Variants in ATG16L1 observed in about 807,000 individuals in gnomAD.
ATG16L1 encodes autophagy-related protein 16-1.
A neutral mutation model predicts 88.5 loss-of-function variants in ATG16L1; 37 were observed. The observed-to-expected ratio is 0.42, with a 90% CI of 0.32 to 0.55. ATG16L1 has a LOEUF of 0.55. Ranked by LOEUF, ATG16L1 falls within the 20% of genes least tolerant of loss-of-function variation. The probability of loss-of-function intolerance (pLI) is 0.13; values close to 1 mark genes in which losing one functional copy is unlikely to be tolerated. For missense variants in ATG16L1, 554 were observed against 752.8 expected, an observed-to-expected ratio of 0.74 and a Z score of 3.09; for synonymous variants, 301 against 281.0, an observed-to-expected ratio of 1.07 and a Z score of -0.71.
chr2:233,271,670 A>G (rs1698000905), intron 6 of ATG16L1, among the ~76,000 whole-genome samples: 1 of 152,258 alleles, frequency 6.6e-6, no homozygotes, highest in Admixed American at 6.5e-5. Flanking sequence ...AGCAAATGCT[A>G]GTGTTTTCTT....
At chr2:233,265,975 A>G (rs1258131688) in intron 5 of ATG16L1, 1 of 152,226 alleles carries the variant, frequency 6.6e-6, no homozygotes, top group Non-Finnish European at 1.5e-5. Context: ...CCACTGATCA[A>G]CCGTCTATAT....
intron 12 of ATG16L1, among the ~76,000 whole-genome samples, 158 bp from the exon 13 acceptor site, chr2:233,289,696 T>C (rs1324456056): frequency 2.0e-5 from 3 of 152,184 alleles, no homozygotes; most frequent in South Asian, 4.1e-4. Flanking sequence ...CTGACCTGTT[T>C]CTTTTTCCTT....
chr2:233,260,077 T>C (rs1697102469), intron 2 of ATG16L1, among the ~76,000 whole-genome samples: 1 of 152,186 alleles, frequency 6.6e-6, no homozygotes, highest in East Asian at 1.9e-4. Flanking sequence ...AGCTGGGCAC[T>C]TTGTTGGTTT....
chr2:233,267,003 G>C (rs2125232461), intron 5 of ATG16L1, among the ~76,000 whole-genome samples: 1 of 152,178 alleles, frequency 6.6e-6, no homozygotes, highest in East Asian at 1.9e-4. Context: ...GTTAAAGAGA[G>C]ATTACTTAAT....
intron 2 of ATG16L1, among the ~76,000 whole-genome samples, chr2:233,261,680 A>T (rs55926010): frequency 0.44 from 66,151 of 151,742 alleles, 15,048 homozygotes; most frequent in Non-Finnish European, 0.52. Flanking sequence ...TGAGAGGAAC[A>T]AGTGTCCAGC....
chr2:233,271,705 G>A (rs1388732409), intron 6 of ATG16L1, among the ~76,000 whole-genome samples: 1 of 152,208 alleles, frequency 6.6e-6, no homozygotes, highest in Non-Finnish European at 1.5e-5. Context: ...AAGCACAGTT[G>A]CAAGTACTTA....
Position 233,277,447 on chromosome 2 carries a change from T to C in ATG16L1, c.955-121T>C, listed in dbSNP as rs1202589819. On this transcript the variant is annotated intron_variant, in intron 9 of 17. Coordinates refer to ENST00000392017, the MANE Select transcript of ATG16L1 (RefSeq NM_030803.7). ...GCTAGGAGTCCAGTTTAGTTTATGATTGGCTCCACCTGTCTTTAAGGATGA... is the reference window on the plus strand; with the variant it reads ...GCTAGGAGTCCAGTTTAGTTTATGACTGGCTCCACCTGTCTTTAAGGATGA... 4.9e-6 allele frequency: 4 copies of C among 824,082 alleles called. No homozygotes were observed. The East Asian group carries it at 8.2e-5, about 17-fold the overall frequency. The allele number at this position is 824,082 out of a possible 1,614,324, so 51.0% of individuals were successfully genotyped here. A position where few individuals can be genotyped will look rare whatever the true frequency, so the allele number is the denominator to read the frequency against.
intron 9 of ATG16L1, among the ~76,000 whole-genome samples, chr2:233,276,545 G>C (rs192177623): frequency 6.6e-6 from 1 of 152,294 alleles, no homozygotes; most frequent in African/African-American, 2.4e-5. Context: ...CACAATCTCA[G>C]CTCAGTGCAG....
rs1197484909 is a variant in ATG16L1 at position 233,289,862 on chromosome 2, C to G, written c.1212C>G (p.Leu404=). ...TGTGTTCTCTCTCCTAGCACACACT[C>G]ACGGGACACAGTGGGAAAGTGCTGT... ...TVDDYRLRHT[L]TGHSGKVLSA... is the part of the protein sequence containing the mutation. Residue 404 remains leucine, a synonymous_variant, in exon 13 of 18, where the codon CTC becomes CTG. Transcript: ENST00000392017. 1 of 1,614,188 alleles carries G rather than the reference C, an allele frequency of 6.2e-7. No individual in the cohort carries two copies. The highest frequency in any genetic ancestry group is 1.7e-5 in the Admixed American group (1 of 60,028).
chr2:233,273,145 C>A, intron 7 of ATG16L1, 93 bp downstream of exon 7: 1 of 1,035,268 alleles, frequency 9.7e-7, no homozygotes, highest in Non-Finnish European at 1.5e-6. Flanking sequence ...GTCAGATGCA[C>A]CCAACCCCTT....
chr2:233,277,728 A>G lies in ATG16L1; in HGVS notation c.1060+55A>G, dbSNP rs1241725715. 1.1e-5 allele frequency: 17 copies of G among 1,491,250 alleles called. No homozygotes were observed. The East Asian group carries it at 2.0e-4, about 18-fold the overall frequency. 92.4% of individuals were successfully genotyped at this position (1,491,250 alleles called of 1,614,324 possible). A position where few individuals can be genotyped will look rare whatever the true frequency, so the allele number is the denominator to read the frequency against. ...AAAACTTGAGATGATGCACCCTTGC[A>G]CTGCAGAAAGAAGCTGTGTTGCTGG... is the stretch of plus-strand genomic sequence containing the variant. On this transcript the variant is annotated intron_variant, in intron 10 of 17. Transcript: ENST00000392017.
intron 1 of ATG16L1, among the ~76,000 whole-genome samples, chr2:233,252,761 A>G (rs1005513411): frequency 2.0e-5 from 3 of 152,032 alleles, no homozygotes; most frequent in African/African-American, 7.2e-5. Context: ...CTTCAGTATG[A>G]AAGAGGTGGT....
chr2:233,268,832 G>A (rs575162665), intron 5 of ATG16L1, among the ~76,000 whole-genome samples: 1 of 152,300 alleles, frequency 6.6e-6, no homozygotes, highest in African/African-American at 2.4e-5. Context: ...CCAAGATTCT[G>A]CTATACTGCC....
At chr2:233,288,362 G>C (rs1405364687) in intron 12 of ATG16L1, among the ~76,000 whole-genome samples, 1 of 152,134 alleles carries the variant, frequency 6.6e-6, no homozygotes, top group African/African-American at 2.4e-5. Context: ...GCTCCTTGCA[G>C]CCTCGACCTT....
At chr2:233,285,518 T>A (rs1335554054) in intron 12 of ATG16L1, among the ~76,000 whole-genome samples, 2 of 152,202 alleles carry the variant, frequency 1.3e-5, no homozygotes, top group African/African-American at 4.8e-5. Context: ...GGGCTGCTGC[T>A]TCTGATGATG....
intron 6 of ATG16L1, among the ~76,000 whole-genome samples, chr2:233,270,695 A>C (rs770216597): frequency 2.0e-5 from 3 of 152,208 alleles, no homozygotes; most frequent in Non-Finnish European, 2.9e-5. Context: ...TGGAAACTTA[A>C]GCGAAAACTA....
intron 2 of ATG16L1, among the ~76,000 whole-genome samples, chr2:233,257,366 C>T (rs1371253095): frequency 3.3e-5 from 5 of 152,162 alleles, no homozygotes; most frequent in African/African-American, 7.2e-5. Context: ...GGTGCAGAAG[C>T]GATACACTTT....
chr2:233,289,617 C>A lies in ATG16L1; in HGVS notation c.1204-237C>A, dbSNP rs147182816. 1.7e-3 allele frequency among the ~76,000 whole-genome samples: 255 copies of A among 152,272 alleles called. 2 individuals carry two copies. The highest frequency in any genetic ancestry group is 5.9e-3 in the African/African-American group (244 of 41,548). On this transcript the variant is annotated intron_variant, in intron 12 of 17. Transcript: ENST00000392017. ...GTGTTGCCCAAGCTGTTCTTGAACT[C>A]CTGGGCTCAAGCAGTCCTCACACCT... is the stretch of plus-strand genomic sequence containing the variant.
intron 2 of ATG16L1, among the ~76,000 whole-genome samples, chr2:233,258,578 A>G (rs1044995993): frequency 2.0e-5 from 3 of 152,246 alleles, no homozygotes; most frequent in Admixed American, 6.5e-5. Flanking sequence ...AATTCATCCA[A>G]TTGAAAACTA....
Sources: gnomAD v4.1 joint callset for allele counts (sites outside exome capture counted in the v4.1 genomes callset) on GRCh38, gnomAD v4.1.1 for gene constraint, MANE v1.5 for transcripts, NCBI Gene and HGNC (gene_info 2026-07-23, HGNC 2026-07-21) for gene names.